GNB1: variants seen among roughly 807,000 people sequenced by gnomAD.
The protein encoded by GNB1 is G protein subunit beta 1.
A neutral mutation model predicts 42.9 loss-of-function variants in GNB1; 2 were observed. That is an observed-to-expected ratio of 0.05 (90% confidence interval 0.02 to 0.15). The LOEUF (loss-of-function observed/expected upper bound fraction) is 0.15, where lower values mean the gene tolerates loss of function less well. GNB1 is among the 10% of genes least tolerant of loss of function. The probability of loss-of-function intolerance (pLI) is 1.00; values close to 1 mark genes in which losing one functional copy is unlikely to be tolerated. For synonymous variants in GNB1, 183 were observed against 174.7 expected (o/e 1.05, Z -0.38); for missense variants, 193 against 462.2 (o/e 0.42, Z 5.34).
At chr1:1,842,192 A>G (rs1317475396) in intron 1 of GNB1, among the ~76,000 whole-genome samples, 2 of 152,262 alleles carry the variant, frequency 1.3e-5, no homozygotes, top group Admixed American at 6.5e-5. Context: ...GCACTCTGGG[A>G]GGCCAAGGCG....
At chr1:1,877,662 T>C (rs1218508043) in intron 1 of GNB1, among the ~76,000 whole-genome samples, 4 of 152,112 alleles carry the variant, frequency 2.6e-5, no homozygotes, top group African/African-American at 4.8e-5. Context: ...ATGAACATTT[T>C]AGATGTTTTT....
chr1:1,840,672 C>T (rs758542070), intron 1 of GNB1, among the ~76,000 whole-genome samples: 1 of 152,220 alleles, frequency 6.6e-6, no homozygotes, highest in African/African-American at 2.4e-5. Context: ...TAAATAACTA[C>T]TTTGTGAGTC....
At chr1:1,887,806 G>A (rs1650239944) in intron 1 of GNB1, among the ~76,000 whole-genome samples, 2 of 152,118 alleles carry the variant, frequency 1.3e-5, no homozygotes, top group Non-Finnish European at 2.9e-5. Flanking sequence ...GTAGATACGA[G>A]GTTTCGCTAT....
At chr1:1,816,408 G>A (rs541184247) in intron 4 of GNB1, among the ~76,000 whole-genome samples, 274 of 152,292 alleles carry the variant, frequency 1.8e-3, no homozygotes, top group Non-Finnish European at 2.7e-3. Context: ...AACGGAGTAA[G>A]TGGATTACAA....
intron 1 of GNB1, chr1:1,890,227 T>C (rs1650405914): frequency 6.6e-6 from 1 of 152,110 alleles, no homozygotes. Flanking sequence ...GAAACCGTTA[T>C]TTTCCCATTT....
intron 1 of GNB1, among the ~76,000 whole-genome samples, chr1:1,843,295 C>T (rs1647421462): frequency 6.6e-6 from 1 of 152,186 alleles, no homozygotes; most frequent in Non-Finnish European, 1.5e-5. Flanking sequence ...TCATGGCTCA[C>T]TGCAGCTTCG....
intron 2 of GNB1, among the ~76,000 whole-genome samples, chr1:1,837,240 T>C (rs185809717): frequency 1.7e-4 from 26 of 152,016 alleles, no homozygotes; most frequent in Non-Finnish European, 3.4e-4. Flanking sequence ...TTTAGGTATA[T>C]GATCCATTGA....
intron 5 of GNB1, among the ~76,000 whole-genome samples, chr1:1,807,803 G>T (rs540616516): frequency 6.6e-6 from 1 of 151,962 alleles, no homozygotes; most frequent in African/African-American, 2.4e-5. Context: ...CGCCTCCGGG[G>T]TTCATGCCAT....
intron 1 of GNB1, among the ~76,000 whole-genome samples, chr1:1,851,563 CTAAT>C (rs1206826873): frequency 4.0e-5 from 6 of 150,916 alleles, no homozygotes; most frequent in African/African-American, 7.3e-5. Context: ...CAAAAATTAA[CTAAT>C]TAATTAAATT....
intron 1 of GNB1, among the ~76,000 whole-genome samples, chr1:1,848,434 T>C (rs970547629): frequency 2.0e-5 from 3 of 151,738 alleles, no homozygotes; most frequent in African/African-American, 7.3e-5. Flanking sequence ...TCAGTAAAGT[T>C]CCACCAAGTA....
chr1:1,880,736 C>T (rs1557951386), intron 1 of GNB1, among the ~76,000 whole-genome samples: 2 of 152,116 alleles, frequency 1.3e-5, no homozygotes, highest in African/African-American at 4.8e-5. Context: ...AATCATCACC[C>T]AAATGTTGCT....
chr1:1,837,475 C>T (rs1268625906), intron 2 of GNB1, among the ~76,000 whole-genome samples: 2 of 151,710 alleles, frequency 1.3e-5, no homozygotes, highest in East Asian at 2.0e-4. Flanking sequence ...AGGATGGTCT[C>T]GATCTCTTGA....
At chr1:1,833,517 G>A (rs1274597279) in intron 2 of GNB1, among the ~76,000 whole-genome samples, 2 of 152,132 alleles carry the variant, frequency 1.3e-5, no homozygotes, top group Non-Finnish European at 2.9e-5. Flanking sequence ...CAACGCATGC[G>A]CAGACCCTCC....
Position 1,863,151 on chromosome 1 carries a change from C to T in GNB1, c.-95-23913G>A, listed in dbSNP as rs181095989. Among the ~76,000 whole-genome samples the T allele has an allele frequency of 7.4e-4, 113 of 152,306 alleles. 1 individual carries two copies. Among genetic ancestry groups the T allele is most frequent in the African/African-American group, 2.6e-3 (108 of 41,564 alleles). On this transcript the variant is annotated intron_variant, in intron 1 of 11. Transcript: ENST00000378609. The stretch of plus-strand genomic sequence containing the variant: ...AACACAATCCTTGGTCACTGCCCCT[C>T]TTCAGCCATCAGTCTACAAATGGGC...
intron 7 of GNB1, among the ~76,000 whole-genome samples, chr1:1,802,875 G>A (rs1646644745): frequency 6.6e-6 from 1 of 152,154 alleles, no homozygotes; most frequent in African/African-American, 2.4e-5. Context: ...AAGCAAACCA[G>A]TGGCCTACAG....
At chr1:1,789,385 T>C (rs751882549) in intron 9 of GNB1, 116 bp from the exon 10 acceptor site, 1 of 671,666 alleles carries the variant, frequency 1.5e-6, no homozygotes, top group Non-Finnish European at 2.7e-6. Context: ...CCAGCAAGAC[T>C]GTGCTCTGGT....
intron 1 of GNB1, among the ~76,000 whole-genome samples, chr1:1,872,643 T>C (rs1024815652): frequency 7.9e-5 from 12 of 152,172 alleles, no homozygotes; most frequent in Non-Finnish European, 1.6e-4. Flanking sequence ...TAGGGGCTCC[T>C]TGCCTACCTG....
chr1:1,833,346 T>C (rs998027137), intron 2 of GNB1, among the ~76,000 whole-genome samples: 2 of 152,112 alleles, frequency 1.3e-5, no homozygotes, highest in Non-Finnish European at 2.9e-5. Context: ...CAAGTCCAGG[T>C]CAATCTCCAA....
chr1:1,811,371 A>T (rs1348753143), intron 5 of GNB1, among the ~76,000 whole-genome samples: 4 of 150,788 alleles, frequency 2.7e-5, no homozygotes, highest in Non-Finnish European at 5.9e-5. Flanking sequence ...TACAGGTGTG[A>T]GCCACCGCGT....
Sources: gnomAD v4.1 joint callset for allele counts (sites outside exome capture counted in the v4.1 genomes callset) on GRCh38, gnomAD v4.1.1 for gene constraint, MANE v1.5 for transcripts, NCBI Gene and HGNC (gene_info 2026-07-23, HGNC 2026-07-21) for gene names.